MRPS28: variants seen among roughly 807,000 people sequenced by gnomAD.
MRPS28 encodes small ribosomal subunit protein bS1m.
A neutral mutation model predicts 10.8 loss-of-function variants in MRPS28; 7 were observed. That is an observed-to-expected ratio of 0.65 (90% CI 0.37 to 1.22). The LOEUF is 1.22. Among genes scored for constraint, MRPS28 ranks in the 50% most tolerant of loss-of-function variants. The pLI is 0.02. For missense variants in MRPS28, 265 were observed against 232.9 expected, an observed-to-expected ratio of 1.14 and a Z score of -0.90; for synonymous variants, 121 against 93.3, an observed-to-expected ratio of 1.30 and a Z score of -1.71.
At chr8:79,943,263 C>T (rs1323596164) in intron 2 of MRPS28, among the ~76,000 whole-genome samples, 1 of 152,230 alleles carries the variant, frequency 6.6e-6, no homozygotes, top group Non-Finnish European at 1.5e-5. Context: ...CAGCTGCTTG[C>T]CTGTCATACT....
intron 1 of MRPS28, 106 bp downstream of exon 1, chr8:80,029,930 G>A (rs996746397): frequency 5.2e-6 from 8 of 1,536,148 alleles, no homozygotes; most frequent in Non-Finnish European, 7.0e-6. Context: ...CTGGGCCCCG[G>A]ACCTCAGCTC....
At chr8:79,936,297 C>G (rs1222412940) in intron 2 of MRPS28, among the ~76,000 whole-genome samples, 8 of 151,768 alleles carry the variant, frequency 5.3e-5, no homozygotes, top group Non-Finnish European at 1.2e-4. Context: ...CCACTGTACT[C>G]CAGCCTGGGT....
Position 79,991,223 on chromosome 8 carries a change from A to G in MRPS28, c.395+11776T>C, listed in dbSNP as rs1808354824. Among the ~76,000 whole-genome samples the G allele has an allele frequency of 4.6e-5, 7 of 152,230 alleles. 1 individual carries two copies. The highest frequency in any genetic ancestry group is 4.6e-4 in the Admixed American group (7 of 15,284). ...GGATAGAGTTTAATTCAATTAACCAAAATAAAAAATAGTTTGAAATTTGTC... is the reference window on the plus strand; with the variant it reads ...GGATAGAGTTTAATTCAATTAACCAGAATAAAAAATAGTTTGAAATTTGTC... On this transcript the variant is annotated intron_variant, in intron 2 of 2. Transcript: ENST00000276585.
chr8:80,018,027 C>T (rs559863919), intron 1 of MRPS28, among the ~76,000 whole-genome samples: 126 of 152,236 alleles, frequency 8.3e-4, no homozygotes, highest in African/African-American at 2.8e-3. Context: ...AATAATCTCA[C>T]GCCTATAATC....
intron 2 of MRPS28, among the ~76,000 whole-genome samples, chr8:79,998,151 A>T (rs1022030478): frequency 6.6e-6 from 1 of 152,156 alleles, no homozygotes; most frequent in Non-Finnish European, 1.5e-5. Context: ...GTGCCTAGGT[A>T]TAGTACAGGA....
chr8:80,029,450 T>C (rs2130267458), intron 1 of MRPS28, among the ~76,000 whole-genome samples: 1 of 152,336 alleles, frequency 6.6e-6, no homozygotes, highest in African/African-American at 2.4e-5. Flanking sequence ...TTATGGTATT[T>C]TACAAAAGTA....
intron 2 of MRPS28, chr8:79,957,971 T>C (rs1807272705): frequency 6.4e-6 from 1 of 156,316 alleles, no homozygotes; most frequent in Non-Finnish European, 1.4e-5. Context: ...ACATATTTAC[T>C]ATTCTAAAGT....
chr8:79,936,587 A>C (rs992176633), intron 2 of MRPS28, among the ~76,000 whole-genome samples: 14 of 152,196 alleles, frequency 9.2e-5, no homozygotes, highest in Admixed American at 8.5e-4. Context: ...TTTATAAACA[A>C]CGTAAATATC....
At chr8:79,978,697 C>T (rs773829930) in intron 2 of MRPS28, among the ~76,000 whole-genome samples, 2 of 152,108 alleles carry the variant, frequency 1.3e-5, no homozygotes, top group Non-Finnish European at 2.9e-5. Context: ...ACTCCACCCC[C>T]ATCTCTACAA....
At chr8:79,931,916 G>C (rs950403473) in intron 2 of MRPS28, among the ~76,000 whole-genome samples, 3 of 152,190 alleles carry the variant, frequency 2.0e-5, no homozygotes, top group Admixed American at 6.5e-5. Context: ...ACAGCATCCG[G>C]ACTTTTGAAA....
At chr8:80,024,887 G>A (rs1380285202) in intron 1 of MRPS28, among the ~76,000 whole-genome samples, 2 of 152,192 alleles carry the variant, frequency 1.3e-5, no homozygotes, top group Non-Finnish European at 2.9e-5. Context: ...CATAAAGGTA[G>A]TAAAACACAA....
chr8:80,009,366 G>A (rs1161239542), intron 1 of MRPS28, among the ~76,000 whole-genome samples: 2 of 151,876 alleles, frequency 1.3e-5, no homozygotes, highest in East Asian at 1.9e-4. Context: ...CATGGCACAT[G>A]TATACATATG....
intron 2 of MRPS28, among the ~76,000 whole-genome samples, chr8:79,930,938 G>C (rs569282520): frequency 6.6e-6 from 1 of 152,042 alleles, no homozygotes; most frequent in Non-Finnish European, 1.5e-5. Context: ...GTAAATAAGA[G>C]CTTTATTGTT....
intron 2 of MRPS28, among the ~76,000 whole-genome samples, chr8:79,992,281 G>A (rs1808387657): frequency 6.6e-6 from 1 of 152,224 alleles, no homozygotes; most frequent in Admixed American, 6.5e-5. Context: ...AAGTTATGAA[G>A]TAATTTGTTA....
At position 79,935,880 on chromosome 8, in the gene MRPS28, G is replaced by A. The variant is rs114327440; in HGVS notation, c.396-16732C>T. Among the ~76,000 whole-genome samples, 825 of 151,978 alleles carry A rather than the reference G, an allele frequency of 5.4e-3. 5 individuals carry two copies. Among genetic ancestry groups the A allele is most frequent in the African/African-American group, 0.018 (760 of 41,448 alleles). The stretch of plus-strand genomic sequence containing the variant: ...GAAATGGAGGCATAAGAGCCAAATG[G>A]ACAAAGAGATGACTAGGAATTCACC... On this transcript the variant is annotated intron_variant, in intron 2 of 2. Coordinates refer to ENST00000276585, the MANE Select transcript of MRPS28 (RefSeq NM_014018.3).
intron 2 of MRPS28, among the ~76,000 whole-genome samples, chr8:79,937,017 C>T (rs748073965): frequency 7.9e-5 from 12 of 152,148 alleles, no homozygotes; most frequent in Admixed American, 1.3e-4. Context: ...CCTGCCACCA[C>T]GCCCCGCTAA....
At chr8:79,924,441 T>C (rs1810179756) in intron 2 of MRPS28, among the ~76,000 whole-genome samples, 1 of 152,206 alleles carries the variant, frequency 6.6e-6, no homozygotes. Context: ...TGTGTGTATG[T>C]GTGTGAGTAA....
At chr8:80,018,566 A>C (rs1394361268) in intron 1 of MRPS28, among the ~76,000 whole-genome samples, 5 of 152,192 alleles carry the variant, frequency 3.3e-5, no homozygotes, top group African/African-American at 1.2e-4. Context: ...CACTCTGAAA[A>C]ACAGTTTGAA....
At chr8:79,958,429 G>A (rs1412358481) in intron 2 of MRPS28, 1 of 686,100 alleles carries the variant, frequency 1.5e-6, no homozygotes, top group Non-Finnish European at 2.6e-6. Context: ...ACCACGAAAT[G>A]GGACTCCTGA....
Sources: gnomAD v4.1 joint callset for allele counts (sites outside exome capture counted in the v4.1 genomes callset) on GRCh38, gnomAD v4.1.1 for gene constraint, MANE v1.5 for transcripts, NCBI Gene and HGNC (gene_info 2026-07-23, HGNC 2026-07-21) for gene names.